The following TMCC2 variants were observed in gnomAD, a reference collection of about 807,000 sequenced individuals.
The protein encoded by TMCC2 is transmembrane and coiled-coil domains protein 2.
In TMCC2, 16 loss-of-function variants were observed where a neutral mutation model predicts 49.4. The ratio of observed to expected loss-of-function variants is 0.32; its 90% CI spans 0.22 to 0.49. The LOEUF (loss-of-function observed/expected upper bound fraction) is 0.49, where lower values mean the gene tolerates loss of function less well. Among genes scored for constraint, TMCC2 ranks in the 20% least tolerant of loss-of-function variants. The pLI is 0.99. For missense variants in TMCC2, 762 were observed against 989.8 expected (o/e 0.77, Z 3.09); for synonymous variants, 397 against 434.1 (o/e 0.91, Z 1.06).
intron 2 of TMCC2, among the ~76,000 whole-genome samples, chr1:205,257,583 C>T (rs139520414): frequency 5.3e-5 from 8 of 152,280 alleles, no homozygotes; most frequent in Non-Finnish European, 8.8e-5. Context: ...TGGATGTGGG[C>T]GCCCTGTGCA....
intron 2 of TMCC2, among the ~76,000 whole-genome samples, chr1:205,263,175 G>T (rs994368872): frequency 6.6e-6 from 1 of 152,238 alleles, no homozygotes; most frequent in Admixed American, 6.5e-5. Context: ...ACGAGACGGG[G>T]CTGGGTGGGC....
intron 1 of TMCC2, among the ~76,000 whole-genome samples, chr1:205,238,232 T>A (rs1222464660): frequency 6.6e-6 from 1 of 152,024 alleles, no homozygotes; most frequent in Non-Finnish European, 1.5e-5. Context: ...TATGTGTATG[T>A]GCTGAGTTTT....
At chr1:205,230,125 C>A in intron 1 of TMCC2, 1 of 985,510 alleles carries the variant, frequency 1.0e-6, no homozygotes, top group African/African-American at 1.7e-5. Flanking sequence ...CAATGCCATT[C>A]CTCATTTGGC....
At chr1:205,252,028 G>T (rs550573328) in intron 2 of TMCC2, among the ~76,000 whole-genome samples, 1 of 152,288 alleles carries the variant, frequency 6.6e-6, no homozygotes, top group East Asian at 1.9e-4. Flanking sequence ...CTTCCTCTCC[G>T]GGTCACTTTC....
chr1:205,229,770 G>C (rs1271430421), intron 1 of TMCC2: 5 of 985,362 alleles, frequency 5.1e-6, no homozygotes, highest in East Asian at 2.3e-4. Context: ...CGAAAGAACT[G>C]TTCACATGGA....
chr1:205,271,022 C>T (rs1661567321), intron 3 of TMCC2, 98 bp from the exon 4 acceptor site: 13 of 1,512,980 alleles, frequency 8.6e-6, no homozygotes, highest in Non-Finnish European at 1.2e-5. Flanking sequence ...GGGGGATGGG[C>T]TGAGTCATTG....
In TMCC2 at chr1:205,241,903, C is replaced by T. The variant is rs749941623; in HGVS notation, c.606C>T (p.Pro202=). 6.2e-7 allele frequency: 1 copy of T among 1,609,408 alleles called. No individual in the cohort carries two copies. Among genetic ancestry groups the T allele is most frequent in the African/African-American group, 1.3e-5 (1 of 74,880 alleles). ...RGSPHLLRKA[P]QDSSLAAILH... ...GCCCTCACCTGCTGCGCAAGGCCCC[C>T]CAGGACAGCAGCCTGGCCGCCATCC... The change falls in exon 2 of 5, where the codon CCC becomes CCT. Residue 202 remains proline, a synonymous_variant. Coordinates refer to ENST00000358024, the MANE Select transcript of TMCC2 (RefSeq NM_014858.4). This position sits in a 1 kb window ranked among gnomAD's most constrained non-coding sequence, Gnocchi z 7.3.
At chr1:205,228,887 G>C in intron 1 of TMCC2, 116 bp downstream of exon 1, 1 of 1,442,480 alleles carries the variant, frequency 6.9e-7, no homozygotes, top group Non-Finnish European at 9.1e-7. Context: ...AGGTCAGAGA[G>C]GATGAGCGGA....
chr1:205,245,649 C>G (rs1195632071), intron 2 of TMCC2, among the ~76,000 whole-genome samples: 1 of 152,176 alleles, frequency 6.6e-6, no homozygotes, highest in Admixed American at 6.5e-5. Flanking sequence ...ATTCAACAAG[C>G]ATTTGTGTGT....
At position 205,271,854 on chromosome 1, in the gene TMCC2, G is replaced by C; in HGVS notation, c.1860G>C (p.Glu620Asp). 1.9e-6 allele frequency: 3 copies of C among 1,613,570 alleles called. No homozygotes were observed. The highest frequency in any genetic ancestry group is 2.5e-6 in the Non-Finnish European group (3 of 1,180,026). ...GCCTGACCCGGGTCACCAAGCTGGA[G>C]CTGCAGCAGCAACAGCAGCAGGTGG... is the stretch of plus-strand genomic sequence containing the variant. ...ESCLTRVTKL[E>D]LQQQQQQVVQ... Residue 620 changes from glutamate to aspartate, a missense_variant, in exon 5 of 5, where the codon GAG becomes GAC. By Grantham distance (45) the Glu-to-Asp change is conservative. Coordinates refer to ENST00000358024, the MANE Select transcript of TMCC2 (RefSeq NM_014858.4).
Position 205,241,380 on chromosome 1 carries a change from C to T in TMCC2, c.208-125C>T. 1 of 1,086,112 alleles carries T rather than the reference C, an allele frequency of 9.2e-7. No homozygotes were observed. Among genetic ancestry groups the T allele is most frequent in the Non-Finnish European group, 1.3e-6 (1 of 761,692 alleles). 67.3% of individuals were successfully genotyped at this position (1,086,112 alleles called of 1,614,324 possible). On this transcript the variant is annotated intron_variant, in intron 1 of 4. Coordinates refer to ENST00000358024, the MANE Select transcript of TMCC2 (RefSeq NM_014858.4). The surrounding 1 kb of genome is among the most constrained non-coding windows in gnomAD (Gnocchi z 7.3). ...CGACGGGCCATCCACAGAGATCTTC[C>T]AGGTTCAGATGGCTGCATTAGCTAT...
intron 1 of TMCC2, 74 bp downstream of exon 1, chr1:205,228,845 A>G: frequency 6.6e-7 from 1 of 1,505,168 alleles, no homozygotes; most frequent in South Asian, 1.3e-5. Flanking sequence ...AAGTGCTTTA[A>G]CAGGATAAAA....
intron 2 of TMCC2, among the ~76,000 whole-genome samples, chr1:205,242,972 G>A (rs1660328450): frequency 6.6e-6 from 1 of 152,226 alleles, no homozygotes; most frequent in African/African-American, 2.4e-5. Context: ...GGATTGACAG[G>A]TAGGCAGAGG....
At chr1:205,265,674 C>T (rs569918895) in intron 2 of TMCC2, among the ~76,000 whole-genome samples, 2 of 151,682 alleles carry the variant, frequency 1.3e-5, no homozygotes, top group Admixed American at 6.6e-5. Flanking sequence ...AATTCTCCTG[C>T]CTCAGCCTCC....
intron 1 of TMCC2, among the ~76,000 whole-genome samples, chr1:205,233,213 T>A (rs1659880407): frequency 6.6e-6 from 1 of 152,194 alleles, no homozygotes; most frequent in Non-Finnish European, 1.5e-5. Context: ...CCCCCTGGAC[T>A]TCCCCTAAGG....
chr1:205,228,650 C>T lies in TMCC2; in HGVS notation c.86C>T (p.Pro29Leu), dbSNP rs140308411. The T allele has an allele frequency of 9.9e-6, 16 of 1,613,036 alleles. No homozygotes were observed. Among genetic ancestry groups the T allele is most frequent in the Middle Eastern group, 1.6e-4 (1 of 6,078 alleles). ...AGLEDAASHL[P>L]GADLRPGETT... Reference sequence around the variant, plus strand: ...CTGGAAGATGCCGCTTCCCACCTGCCGGGCGCGGACCTCCGGCCTGGGGAG... The same window carrying T: ...CTGGAAGATGCCGCTTCCCACCTGCTGGGCGCGGACCTCCGGCCTGGGGAG... The change falls in exon 1 of 5, where the codon CCG (proline) becomes CTG (leucine). Residue 29 changes from proline to leucine, a missense_variant. Physicochemically the swap from Pro to Leu is moderately conservative, Grantham distance 98. Coordinates refer to ENST00000358024, the MANE Select transcript of TMCC2 (RefSeq NM_014858.4).
intron 2 of TMCC2, chr1:205,246,368 T>TA: frequency 1.6e-6 from 1 of 622,240 alleles, no homozygotes; most frequent in Non-Finnish European, 2.2e-6. Flanking sequence ...AAGTGGCTAT[T>TA]AAACATCCAC....
At chr1:205,256,153 A>G in intron 2 of TMCC2, 1 of 1,354,806 alleles carries the variant, frequency 7.4e-7, no homozygotes, top group Admixed American at 2.7e-5. Flanking sequence ...AATCAACGTG[A>G]CGCGTGTCGG....
At chr1:205,238,771 C>T (rs1439522625) in intron 1 of TMCC2, among the ~76,000 whole-genome samples, 5 of 151,992 alleles carry the variant, frequency 3.3e-5, no homozygotes, top group Admixed American at 2.0e-4. Context: ...AATTAGAAGT[C>T]GGGGGTTTCT....
Sources: gnomAD v4.1 joint callset for allele counts (sites outside exome capture counted in the v4.1 genomes callset) on GRCh38, gnomAD v4.1.1 for gene constraint, Gnocchi (gnomAD v3.1) non-coding constraint, MANE v1.5 for transcripts, NCBI Gene and HGNC (gene_info 2026-07-23, HGNC 2026-07-21) for gene names.